MMP24: variants seen among roughly 807,000 people sequenced by gnomAD.
The protein encoded by MMP24 is matrix metalloproteinase-24.
In MMP24, 25 loss-of-function variants were observed where a neutral mutation model predicts 62.8. The ratio of observed to expected loss-of-function variants is 0.40; its 90% CI spans 0.29 to 0.56. MMP24 has a LOEUF of 0.56. Ranked by LOEUF, MMP24 falls within the 20% of genes least tolerant of loss-of-function variation. The probability of loss-of-function intolerance (pLI) is 0.50; values close to 1 mark genes in which losing one functional copy is unlikely to be tolerated. For synonymous variants in MMP24, 319 were observed against 350.5 expected (o/e 0.91, Z 1.00); for missense variants, 634 against 853.6 (o/e 0.74, Z 3.21).
chr20:35,274,756 T>C lies in MMP24; in HGVS notation c.*147T>C. ...AGCTGAAGTGGTGGGTGCATTGGCCTAGGCTGAGCGTGGGGCAGGGAATTA... is the reference window on the plus strand; with the variant it reads ...AGCTGAAGTGGTGGGTGCATTGGCCCAGGCTGAGCGTGGGGCAGGGAATTA... On this transcript the variant is annotated 3_prime_UTR_variant, in exon 9 of 9. Transcript: ENST00000246186. This position sits in a 1 kb window ranked among gnomAD's most constrained non-coding sequence, Gnocchi z 5.1. 1.4e-6 allele frequency: 1 copy of C among 717,934 alleles called. No homozygotes were observed. Among genetic ancestry groups the C allele is most frequent in the South Asian group, 1.9e-5 (1 of 52,290 alleles). 44.5% of individuals were successfully genotyped at this position (717,934 alleles called of 1,614,324 possible).
chr20:35,226,891 G>C lies in MMP24; in HGVS notation c.153G>C (p.Arg51=). ...PALCCLPGAA[R]AAAAAAGAGN... ...TCTGCTGCCTCCCGGGCGCCGCGCG[G>C]GCGGCGGCGGCGGCGGCGGGGGCAG... is the stretch of plus-strand genomic sequence containing the variant. The change falls in exon 1 of 9, where the codon CGG becomes CGC. Residue 51 remains arginine, a synonymous_variant. Transcript: ENST00000246186. 1.0e-6 allele frequency: 1 copy of C among 968,774 alleles called. No homozygotes were observed. Among genetic ancestry groups the C allele is most frequent in the Non-Finnish European group, 1.2e-6 (1 of 817,830 alleles). 60.0% of individuals were successfully genotyped at this position (968,774 alleles called of 1,614,324 possible).
At chr20:35,231,794 G>A (rs1252666290) in intron 1 of MMP24, among the ~76,000 whole-genome samples, 6 of 152,204 alleles carry the variant, frequency 3.9e-5, no homozygotes, top group African/African-American at 1.4e-4. Flanking sequence ...GCTCACACCT[G>A]TAATCCCAGC....
chr20:35,246,899 C>G lies in MMP24; in HGVS notation c.306C>G (p.His102Gln). 1 of 1,614,036 alleles carries G rather than the reference C, an allele frequency of 6.2e-7. No individual in the cohort carries two copies. The highest frequency in any genetic ancestry group is 8.5e-7 in the Non-Finnish European group (1 of 1,179,854). ...LPYDSRASAL[H>Q]SAKALQSAVS... Reference sequence around the variant, plus strand: ...ATGACTCACGGGCATCTGCGCTGCACTCAGCGAAGGCCTTGCAGTCGGCAG... The same window carrying G: ...ATGACTCACGGGCATCTGCGCTGCAGTCAGCGAAGGCCTTGCAGTCGGCAG... The change falls in exon 2 of 9, where the codon CAC becomes CAG. Residue 102 changes from histidine to glutamine, a missense_variant. Physicochemically the swap from His to Gln is conservative, Grantham distance 24 (BLOSUM62 0). Around this residue, in one of 3 missense-constraint regions of MMP24, gnomAD observed 212 missense variants for 259.6 expected, o/e 0.82. Transcript: ENST00000246186.
chr20:35,249,755 A>AT (rs887475693), intron 2 of MMP24, among the ~76,000 whole-genome samples: 50 of 145,418 alleles, frequency 3.4e-4, no homozygotes, highest in African/African-American at 5.0e-4. Context: ...CGCCCGGCTA[A>AT]TTTTTTTTTT....
chr20:35,237,180 G>A (rs971145703), intron 1 of MMP24, among the ~76,000 whole-genome samples: 1 of 152,148 alleles, frequency 6.6e-6, no homozygotes, highest in South Asian at 2.1e-4. Context: ...ATTTCTAAAA[G>A]CAACACAGAC....
intron 2 of MMP24, among the ~76,000 whole-genome samples, chr20:35,249,219 G>C (rs970477407): frequency 6.6e-6 from 1 of 152,208 alleles, no homozygotes; most frequent in African/African-American, 2.4e-5. Flanking sequence ...CTCTGAGCCT[G>C]TTTCCTCCCC....
rs1307419505 is a variant in MMP24 at position 35,275,759 on chromosome 20, G to A, written c.*1150G>A. On this transcript the variant is annotated 3_prime_UTR_variant, in exon 9 of 9. Transcript: ENST00000246186. ...TGAGGCCGACTCAATCTCTCGGCTGGAAGCAGTGTTTTCCCAGAGCTTGGC... is the reference window on the plus strand; with the variant it reads ...TGAGGCCGACTCAATCTCTCGGCTGAAAGCAGTGTTTTCCCAGAGCTTGGC... 1 of 361,880 alleles carries A rather than the reference G, an allele frequency of 2.8e-6. No homozygotes were observed. The highest frequency in any genetic ancestry group is 4.7e-5 in the Admixed American group (1 of 21,500). 22.4% of individuals were successfully genotyped at this position (361,880 alleles called of 1,614,324 possible).
Position 35,253,270 on chromosome 20 carries a change from C to CTTTTTTTTTTTTTTTTT in MMP24, c.513-1173_513-1157dup, listed in dbSNP as rs34474017. 3.7e-4 allele frequency among the ~76,000 whole-genome samples: 29 copies of CTTTTTTTTTTTTTTTTT among 79,048 alleles called. 2 individuals carry two copies. The highest frequency in any genetic ancestry group is 6.4e-4 in the African/African-American group (11 of 17,180). 51.9% of individuals were successfully genotyped at this position (79,048 alleles called of 152,430 possible). A position where few individuals can be genotyped will look rare whatever the true frequency, so the allele number is the denominator to read the frequency against. On this transcript the variant is annotated intron_variant, in intron 3 of 8. Transcript: ENST00000246186. The stretch of plus-strand genomic sequence containing the variant: ...GACAAGCACTCCCTACAGAACGGGA[C>CTTTTTTTTTTTTTTTTT]TTTTTTTTTTTTTTTTTTTTTTTCA...
At chr20:35,262,635 C>T (rs901290607) in intron 4 of MMP24, 3 of 147,580 alleles carry the variant, frequency 2.0e-5, no homozygotes, top group African/African-American at 7.9e-5. Flanking sequence ...AGAGGCATTC[C>T]TTCCTCTTTT....
At chr20:35,228,516 G>A (rs1221005972) in intron 1 of MMP24, among the ~76,000 whole-genome samples, 2 of 152,188 alleles carry the variant, frequency 1.3e-5, no homozygotes, top group African/African-American at 4.8e-5. Context: ...CCTGGCCTGG[G>A]ATTAAGGAGG....
chr20:35,248,306 C>CCTTTTT (rs745624436), intron 2 of MMP24, among the ~76,000 whole-genome samples: 2 of 136,790 alleles, frequency 1.5e-5, no homozygotes, highest in Non-Finnish European at 1.6e-5. Flanking sequence ...TTCCCCCCCC[C>CCTTTTT]TTTTTTTTTT....
intron 2 of MMP24, among the ~76,000 whole-genome samples, chr20:35,248,667 A>T (rs569861145): frequency 1.1e-4 from 16 of 152,124 alleles, no homozygotes; most frequent in South Asian, 8.3e-4. Context: ...GGGTTTTAGG[A>T]TCCTAAAATC....
At chr20:35,231,436 A>G (rs192387871) in intron 1 of MMP24, among the ~76,000 whole-genome samples, 4 of 152,308 alleles carry the variant, frequency 2.6e-5, no homozygotes, top group African/African-American at 9.6e-5. Flanking sequence ...GGCCTCCAGT[A>G]TATCTTCATT....
At chr20:35,237,016 G>C (rs901976040) in intron 1 of MMP24, among the ~76,000 whole-genome samples, 6 of 151,998 alleles carry the variant, frequency 3.9e-5, no homozygotes, top group Admixed American at 6.6e-5. Flanking sequence ...CAAGTTGGTG[G>C]GGGAGCTGGG....
Position 35,271,490 on chromosome 20 carries a change from T to C in MMP24, c.1334-79T>C. The C allele has an allele frequency of 6.5e-7, 1 of 1,527,746 alleles. No individual in the cohort carries two copies. Among genetic ancestry groups the C allele is most frequent in the Non-Finnish European group, 8.8e-7 (1 of 1,131,580 alleles). The allele number at this position is 1,527,746 out of a possible 1,614,324, so 94.6% of individuals were successfully genotyped here. On this transcript the variant is annotated intron_variant, in intron 7 of 8. Coordinates refer to ENST00000246186, the MANE Select transcript of MMP24 (RefSeq NM_006690.4). This position sits in a 1 kb window ranked among gnomAD's most constrained non-coding sequence, Gnocchi z 4.0. ...CCAAGGGGCTGAGGGCATCAGACTG[T>C]TTTCACCTGACACCCTGAAGATGGG...
chr20:35,267,771 T>C (rs1430655919), intron 6 of MMP24: 7 of 325,398 alleles, frequency 2.2e-5, no homozygotes, highest in South Asian at 1.2e-4. Context: ...GAAGATCCAG[T>C]GAGTACCCGG....
chr20:35,269,868 A>C lies in MMP24; in HGVS notation c.1303A>C (p.Arg435=). Residue 435 remains arginine (R), a synonymous_variant, in exon 7 of 9, where the codon AGG becomes CGG. Coordinates refer to ENST00000246186, the MANE Select transcript of MMP24 (RefSeq NM_006690.4). This position sits in a 1 kb window ranked among gnomAD's most constrained non-coding sequence, Gnocchi z 4.6. The stretch of plus-strand genomic sequence containing the variant: ...TGCCCGCATCGACGCAGCCTATGAA[A>C]GGGCCGATGGGAGATTTGTCTTCTT... ...LPARIDAAYE[R]ADGRFVFFKG... 1 of 1,552,308 alleles carries C rather than the reference A, an allele frequency of 6.4e-7. No homozygotes were observed. Among genetic ancestry groups the C allele is most frequent in the Non-Finnish European group, 8.7e-7 (1 of 1,147,330 alleles).
chr20:35,238,253 T>C (rs2060473072), intron 1 of MMP24, among the ~76,000 whole-genome samples: 1 of 152,240 alleles, frequency 6.6e-6, no homozygotes, highest in South Asian at 2.1e-4. Context: ...GTCCATTTCG[T>C]CATGGTTATG....
At chr20:35,240,934 G>A (rs2060485645) in intron 1 of MMP24, among the ~76,000 whole-genome samples, 2 of 152,224 alleles carry the variant, frequency 1.3e-5, no homozygotes. Flanking sequence ...ATGATACATT[G>A]TGGTAGCTGT....
Sources: gnomAD v4.1 joint callset for allele counts (sites outside exome capture counted in the v4.1 genomes callset) on GRCh38, gnomAD v4.1.1 for gene constraint, gnomAD v4.1.1 regional missense constraint, Gnocchi (gnomAD v3.1) non-coding constraint, MANE v1.5 for transcripts, NCBI Gene and HGNC (gene_info 2026-07-23, HGNC 2026-07-21) for gene names.